The following ZFP90 variants were observed in gnomAD, a reference collection of about 807,000 sequenced individuals.
ZFP90 encodes the protein ZFP90 zinc finger protein.
In ZFP90, 38 loss-of-function variants were observed where a neutral mutation model predicts 60.8. That is an observed-to-expected ratio of 0.62 (90% confidence interval 0.48 to 0.82). ZFP90 has a LOEUF of 0.82. Among genes scored for constraint, ZFP90 ranks in the 40% least tolerant of loss-of-function variants. ZFP90 has a pLI of 0.00. For missense variants in ZFP90, 711 were observed against 759.1 expected (o/e 0.94, Z 0.74); for synonymous variants, 287 against 264.8 (o/e 1.08, Z -0.82).
At position 68,564,485 on chromosome 16, in the gene ZFP90, ATC is replaced by A; in HGVS notation, c.1703_1704del (p.Leu568HisfsTer4). On this transcript the variant is annotated frameshift_variant, in exon 5 of 5. Transcript: ENST00000563169. LOFTEE classifies it high-confidence loss of function. ...DCGKAFSQSS[S>X]LIQHERTHTG... is the part of the protein sequence containing the mutation. ...GTGGGAAAGCCTTTAGTCAAAGTTCATCTCTCATTCAGCATGAGAGAACTCAT... is the reference window on the plus strand; with the variant it reads ...GTGGGAAAGCCTTTAGTCAAAGTTCATCTCATTCAGCATGAGAGAACTCAT... The A allele has an allele frequency of 6.2e-7, 1 of 1,614,062 alleles. No individual in the cohort carries two copies. Among genetic ancestry groups the A allele is most frequent in the Non-Finnish European group, 8.5e-7 (1 of 1,179,946 alleles).
At chr16:68,540,723 G>A (rs1240748474) in intron 2 of ZFP90, among the ~76,000 whole-genome samples, 2 of 143,462 alleles carry the variant, frequency 1.4e-5, no homozygotes, top group East Asian at 2.1e-4. Context: ...TGTAAGTCCA[G>A]CACTTTGGGA....
intron 2 of ZFP90, among the ~76,000 whole-genome samples, chr16:68,553,444 G>A (rs2091292556): frequency 1.3e-5 from 2 of 152,100 alleles, no homozygotes; most frequent in Admixed American, 1.3e-4. Flanking sequence ...GGGTGGGGTG[G>A]GTGCAGGCGA....
intron 3 of ZFP90, 170 bp from the exon 4 acceptor site, chr16:68,558,303 T>C: frequency 8.5e-7 from 1 of 1,176,914 alleles, no homozygotes; most frequent in South Asian, 1.3e-5. Flanking sequence ...GTAAAAGGTC[T>C]TTATTTTGCA....
intron 2 of ZFP90, among the ~76,000 whole-genome samples, 153 bp from the exon 3 acceptor site, chr16:68,557,845 A>G (rs1371987324): frequency 1.3e-5 from 2 of 149,220 alleles, no homozygotes; most frequent in East Asian, 2.0e-4. Flanking sequence ...TTACAAAATT[A>G]TGTAAACAAT....
chr16:68,558,515 AAGG>A lies in ZFP90; in HGVS notation c.206_208del (p.Gly69del). On this transcript the variant is annotated inframe_deletion, in exon 4 of 5. Coordinates refer to ENST00000563169, the MANE Select transcript of ZFP90 (RefSeq NM_001305203.2). ...CCAGAGGTGATCTTCAAATTGGAGC[AAGG>A]AGAAGAGCCATGGATATCAGAGGGA... 1 of 1,614,078 alleles carries A rather than the reference AAGG, an allele frequency of 6.2e-7. No homozygotes were observed. The highest frequency in any genetic ancestry group is 8.5e-7 in the Non-Finnish European group (1 of 1,180,014).
chr16:68,549,550 G>T (rs1338404321), intron 2 of ZFP90, among the ~76,000 whole-genome samples: 1 of 151,834 alleles, frequency 6.6e-6, no homozygotes, highest in Admixed American at 6.6e-5. Context: ...GTGGTGGCGG[G>T]TGCCTGTACT....
At chr16:68,541,733 G>A (rs987863519) in intron 2 of ZFP90, among the ~76,000 whole-genome samples, 6 of 152,174 alleles carry the variant, frequency 3.9e-5, no homozygotes, top group African/African-American at 1.2e-4. Context: ...CATCATGATC[G>A]TTATCCCCTT....
intron 4 of ZFP90, among the ~76,000 whole-genome samples, chr16:68,560,250 A>G (rs1216025212): frequency 6.6e-6 from 1 of 152,218 alleles, no homozygotes; most frequent in East Asian, 1.9e-4. Flanking sequence ...TCCTCACACC[A>G]GCAAGAAATG....
At chr16:68,562,990 A>G (rs757892542) in intron 4 of ZFP90, 54 bp from the exon 5 acceptor site, 1 of 1,605,590 alleles carries the variant, frequency 6.2e-7, no homozygotes, top group South Asian at 1.1e-5. Flanking sequence ...CTACTCTAGC[A>G]GTGTATTTCA....
At position 68,563,156 on chromosome 16, in the gene ZFP90, TAGC is replaced by T; in HGVS notation, c.373_375del (p.Ser125del). On this transcript the variant is annotated inframe_deletion, in exon 5 of 5. Coordinates refer to ENST00000563169, the MANE Select transcript of ZFP90 (RefSeq NM_001305203.2). ...CTACATTAGAAGACTCCTGGGATGT[TAGC>T]AGCCAGTTAGACAGGCAACAGGAAA... 6.2e-7 allele frequency: 1 copy of T among 1,614,180 alleles called. No homozygotes were observed. Among genetic ancestry groups the T allele is most frequent in the Middle Eastern group, 1.6e-4 (1 of 6,062 alleles).
downstream of ZFP90, among the ~76,000 whole-genome samples, chr16:68,569,640 A>T (rs2152078086): frequency 6.6e-6 from 1 of 152,140 alleles, no homozygotes; most frequent in South Asian, 2.1e-4. Context: ...AGTGACTCAC[A>T]CTTTTAATCT....
upstream of ZFP90, among the ~76,000 whole-genome samples, chr16:68,534,354 G>A (rs1296410354): frequency 6.7e-6 from 1 of 149,848 alleles, no homozygotes; most frequent in African/African-American, 2.5e-5. Context: ...TCAGCCTCCC[G>A]AGTAGCTGGG....
upstream of ZFP90, among the ~76,000 whole-genome samples, chr16:68,534,840 G>A (rs1482385924): frequency 6.6e-6 from 1 of 152,012 alleles, no homozygotes. Flanking sequence ...CTGGGAGGCA[G>A]AGCTTGCAGT....
downstream of ZFP90, among the ~76,000 whole-genome samples, chr16:68,570,324 A>G (rs1452319994): frequency 6.6e-6 from 1 of 152,236 alleles, no homozygotes; most frequent in African/African-American, 2.4e-5. Context: ...CTCCCAGGAA[A>G]GAATTCAAAG....
At chr16:68,549,482 C>G (rs1207923333) in intron 2 of ZFP90, among the ~76,000 whole-genome samples, 1 of 151,830 alleles carries the variant, frequency 6.6e-6, no homozygotes, top group Non-Finnish European at 1.5e-5. Context: ...TCAAGACCAT[C>G]CTGGCTAACA....
Position 68,567,096 on chromosome 16 carries a change from A to T in ZFP90, c.*2398A>T, listed in dbSNP as rs1470889662. On this transcript the variant is annotated 3_prime_UTR_variant, in exon 5 of 5. Coordinates refer to ENST00000563169, the MANE Select transcript of ZFP90 (RefSeq NM_001305203.2). ...ACGTGAAATGCATCCTTGTAACATC[A>T]TTGTATTCTTTCAATAAATAGCCTT... 1.8e-5 allele frequency: 18 copies of T among 985,558 alleles called. No homozygotes were observed. Among genetic ancestry groups the T allele is most frequent in the Non-Finnish European group, 2.2e-5 (18 of 829,928 alleles). 61.1% of individuals were successfully genotyped at this position (985,558 alleles called of 1,614,324 possible). A position where few individuals can be genotyped will look rare whatever the true frequency, so the allele number is the denominator to read the frequency against.
intron 2 of ZFP90, among the ~76,000 whole-genome samples, chr16:68,554,789 TAAACAAAATA>T (rs1211968448): frequency 1.3e-5 from 2 of 152,034 alleles, no homozygotes; most frequent in African/African-American, 2.4e-5. Flanking sequence ...CCATCTCTAT[TAAACAAAATA>T]AAACAAAATA....
In ZFP90 at chr16:68,566,328, C is replaced by T. The variant is rs1057330513; in HGVS notation, c.*1630C>T. On this transcript the variant is annotated 3_prime_UTR_variant, in exon 5 of 5. Transcript: ENST00000563169. Reference sequence around the variant, plus strand: ...TTGATTCCTTTTACACAAGAGCTGCCTCCCAAAGATAGATAAATTTTCCCA... The same window carrying T: ...TTGATTCCTTTTACACAAGAGCTGCTTCCCAAAGATAGATAAATTTTCCCA... The T allele has an allele frequency of 2.7e-5, 27 of 985,340 alleles. No individual in the cohort carries two copies. The highest frequency in any genetic ancestry group is 3.3e-5 in the Non-Finnish European group (27 of 829,944). 61.0% of individuals were successfully genotyped at this position (985,340 alleles called of 1,614,324 possible). A position where few individuals can be genotyped will look rare whatever the true frequency, so the allele number is the denominator to read the frequency against.
upstream of ZFP90, chr16:68,539,204 C>T (rs770717081): frequency 6.6e-6 from 1 of 152,422 alleles, no homozygotes; most frequent in African/African-American, 2.4e-5. Flanking sequence ...TAGGCGGGGC[C>T]TGCGCGCGCG....
Sources: allele counts gnomAD v4.1 joint callset (sites outside exome capture counted in the v4.1 genomes callset), GRCh38; gene constraint gnomAD v4.1.1; transcripts MANE v1.5; gene names NCBI Gene and HGNC (gene_info 2026-07-23, HGNC 2026-07-21).